PTPRD: variants seen among roughly 807,000 people sequenced by gnomAD.
PTPRD encodes the protein receptor-type tyrosine-protein phosphatase delta.
A neutral mutation model predicts 214.5 loss-of-function variants in PTPRD; 34 were observed. The observed-to-expected ratio is 0.16, with a 90% CI of 0.12 to 0.21. The LOEUF (loss-of-function observed/expected upper bound fraction) is 0.21, where lower values mean the gene tolerates loss of function less well. PTPRD is among the 10% of genes least tolerant of loss of function. The probability of loss-of-function intolerance (pLI) is 1.00; values close to 1 mark genes in which losing one functional copy is unlikely to be tolerated. For synonymous variants in PTPRD, 1,128 were observed against 845.7 expected (o/e 1.33, Z -5.79); for missense variants, 2,545 against 2,398.7 (o/e 1.06, Z -1.27).
chr9:9,913,189 G>C (rs1406624313), intron 5 of PTPRD, among the ~76,000 whole-genome samples: 4 of 151,996 alleles, frequency 2.6e-5, no homozygotes, highest in Non-Finnish European at 5.9e-5. Flanking sequence ...AAAAAGAAAA[G>C]TATGTTATGC....
At chr9:8,659,299 T>G (rs1472505957) in intron 12 of PTPRD, among the ~76,000 whole-genome samples, 2 of 152,216 alleles carry the variant, frequency 1.3e-5, no homozygotes, top group African/African-American at 4.8e-5. Flanking sequence ...GGCCAGATGG[T>G]GGCTACCATG....
intron 35 of PTPRD, among the ~76,000 whole-genome samples, chr9:8,425,386 T>C (rs1039657002): frequency 2.6e-5 from 4 of 152,162 alleles, no homozygotes; most frequent in African/African-American, 4.8e-5. Flanking sequence ...CTCCTTCCTA[T>C]ATTGTTATGA....
At chr9:9,467,213 C>CGTTTTTTTTTTTT (rs1295163512) in intron 8 of PTPRD, among the ~76,000 whole-genome samples, 1 of 92,898 alleles carries the variant, frequency 1.1e-5, no homozygotes, top group African/African-American at 4.4e-5. Context: ...GTTCATTTAT[C>CGTTTTTTTTTTTT]TTTTTTTTTT....
chr9:8,947,857 A>G (rs928298704), intron 11 of PTPRD, among the ~76,000 whole-genome samples: 1 of 152,138 alleles, frequency 6.6e-6, no homozygotes, highest in African/African-American at 2.4e-5. Context: ...AATGTGCCAG[A>G]CACTATTTTA....
At chr9:9,805,159 G>A (rs951167590) in intron 5 of PTPRD, among the ~76,000 whole-genome samples, 1 of 152,098 alleles carries the variant, frequency 6.6e-6, no homozygotes, top group African/African-American at 2.4e-5. Flanking sequence ...CCCAAATTCT[G>A]CCATTTACTG....
intron 3 of PTPRD, among the ~76,000 whole-genome samples, chr9:10,316,141 ATACATATG>A (rs2096417187): frequency 6.9e-6 from 1 of 144,998 alleles, no homozygotes; most frequent in Non-Finnish European, 1.5e-5. Flanking sequence ...ATATATACAC[ATACATATG>A]TATATATGTA....
At chr9:9,342,567 T>G (rs2047210902) in intron 9 of PTPRD, among the ~76,000 whole-genome samples, 1 of 152,154 alleles carries the variant, frequency 6.6e-6, no homozygotes, top group Non-Finnish European at 1.5e-5. Flanking sequence ...GAGCTGTTGC[T>G]TAAAGAAAGT....
At chr9:8,726,933 T>C (rs1466218898) in intron 12 of PTPRD, among the ~76,000 whole-genome samples, 3 of 151,382 alleles carry the variant, frequency 2.0e-5, no homozygotes, top group Admixed American at 6.6e-5. Flanking sequence ...ACTGTGCCAC[T>C]GCACTACTCC....
chr9:9,909,618 T>A (rs1441303382), intron 5 of PTPRD, among the ~76,000 whole-genome samples: 1 of 151,942 alleles, frequency 6.6e-6, no homozygotes, highest in African/African-American at 2.4e-5. Flanking sequence ...TTGGTGTAAA[T>A]ATGTCAAAAT....
At chr9:10,521,639 G>C (rs552503781) in intron 2 of PTPRD, among the ~76,000 whole-genome samples, 4 of 152,142 alleles carry the variant, frequency 2.6e-5, no homozygotes, top group Admixed American at 2.6e-4. Flanking sequence ...CTTATTTTAA[G>C]ACACTGCCAC....
At chr9:9,311,331 T>C (rs556744927) in intron 9 of PTPRD, among the ~76,000 whole-genome samples, 1 of 152,190 alleles carries the variant, frequency 6.6e-6, no homozygotes, top group African/African-American at 2.4e-5. Context: ...AAAAGATGTA[T>C]TGACTCTCAG....
intron 3 of PTPRD, among the ~76,000 whole-genome samples, chr9:10,074,703 G>C (rs927102524): frequency 6.6e-6 from 1 of 151,756 alleles, no homozygotes; most frequent in Non-Finnish European, 1.5e-5. Flanking sequence ...GGAAAGAGTG[G>C]GCTCCTGTGA....
At chr9:10,144,454 C>T (rs939659498) in intron 3 of PTPRD, among the ~76,000 whole-genome samples, 3 of 152,080 alleles carry the variant, frequency 2.0e-5, no homozygotes, top group Non-Finnish European at 2.9e-5. Flanking sequence ...CAGGAACTTG[C>T]TGTATTCCCC....
chr9:8,536,930 G>C (rs1245863324), intron 14 of PTPRD, among the ~76,000 whole-genome samples: 1 of 151,986 alleles, frequency 6.6e-6, no homozygotes, highest in Non-Finnish European at 1.5e-5. Context: ...GAGTTTTCAA[G>C]TCATTACATT....
chr9:9,702,369 T>C (rs2097523576), intron 7 of PTPRD, among the ~76,000 whole-genome samples: 1 of 152,166 alleles, frequency 6.6e-6, no homozygotes, highest in Non-Finnish European at 1.5e-5. Flanking sequence ...AACAGTATAA[T>C]ATCATGGAAC....
chr9:9,261,115 AC>A (rs1328041948), intron 9 of PTPRD, among the ~76,000 whole-genome samples: 1 of 151,854 alleles, frequency 6.6e-6, no homozygotes, highest in African/African-American at 2.4e-5. Flanking sequence ...TTATCATACC[AC>A]CAACAAGGAT....
At chr9:10,545,660 G>T (rs542148525) in intron 2 of PTPRD, among the ~76,000 whole-genome samples, 8 of 152,224 alleles carry the variant, frequency 5.3e-5, no homozygotes, top group Admixed American at 6.6e-5. Context: ...TTAGTGTAAA[G>T]AAATAACTGA....
At chr9:10,387,137 C>T (rs1026614247) in intron 2 of PTPRD, among the ~76,000 whole-genome samples, 2 of 151,744 alleles carry the variant, frequency 1.3e-5, no homozygotes, top group Admixed American at 6.6e-5. Flanking sequence ...TGCTTTTAGC[C>T]CAGTGATTCC....
chr9:8,748,883 C>G (rs997977089), intron 11 of PTPRD, among the ~76,000 whole-genome samples: 1 of 152,112 alleles, frequency 6.6e-6, no homozygotes, highest in Admixed American at 6.6e-5. Context: ...GCACTCCAGC[C>G]TGGGTAATAA....
Sources: allele counts gnomAD v4.1 joint callset (sites outside exome capture counted in the v4.1 genomes callset), GRCh38; gene constraint gnomAD v4.1.1; transcripts MANE v1.5; gene names NCBI Gene and HGNC (gene_info 2026-07-23, HGNC 2026-07-21).